AIRE: variants seen among roughly 807,000 people sequenced by gnomAD.
The protein encoded by AIRE is autoimmune polyendocrinopathy candidiasis ectodermal dystrophy protein.
In AIRE, 52 loss-of-function variants were observed where a neutral mutation model predicts 62.1. The observed-to-expected ratio is 0.84, with a 90% CI of 0.67 to 1.06. The LOEUF is 1.06. Among genes scored for constraint, AIRE ranks in the 50% least tolerant of loss-of-function variants. The pLI is 0.00. For synonymous variants in AIRE, 342 were observed against 321.6 expected (o/e 1.06, Z -0.68); for missense variants, 774 against 755.8 (o/e 1.02, Z -0.28).
rs1487410368 is a variant in AIRE, at chr21:44,297,474, C to T, written c.1567-182C>T. On this transcript the variant is annotated intron_variant, in intron 13 of 13. Transcript: ENST00000291582. This position sits in a 1 kb window ranked among gnomAD's most constrained non-coding sequence, Gnocchi z 4.8. ...CAGTTTCCCCACCTTTGATGGAATA[C>T]GGTGAAGTGCACAGGACAGGGTCCT... Among the ~76,000 whole-genome samples the T allele has an allele frequency of 6.6e-6, 1 of 152,072 alleles. No individual in the cohort carries two copies. The highest frequency in any genetic ancestry group is 2.1e-4 in the South Asian group (1 of 4,818).
intron 4 of AIRE, among the ~76,000 whole-genome samples, chr21:44,288,126 G>C (rs577381404): frequency 6.6e-6 from 1 of 151,530 alleles, no homozygotes; most frequent in Admixed American, 6.6e-5. Flanking sequence ...CCACCCCCCA[G>C]CACACGCACA....
In AIRE at chr21:44,293,187, G is replaced by A. The variant is rs371283816; in HGVS notation, c.1278+12G>A. On this transcript the variant is annotated intron_variant, in intron 10 of 13. Coordinates refer to ENST00000291582, the MANE Select transcript of AIRE (RefSeq NM_000383.4). ...CTGAGGGTCAGCAGGTGAGCGGGGA[G>A]TGGGGGTCAGGGTGGGCTCTTCAAG... 1.2e-4 allele frequency: 181 copies of A among 1,544,168 alleles called. No individual in the cohort carries two copies. In the African/African-American group the frequency reaches 2.1e-3, roughly 18 times the overall value.
intron 13 of AIRE, 41 bp downstream of exon 13, chr21:44,296,486 C>G (rs758237665): frequency 1.9e-6 from 3 of 1,572,494 alleles, no homozygotes; most frequent in East Asian, 2.2e-5. Flanking sequence ...TCCACTCCCC[C>G]TCCCCTGCCT....
At chr21:44,289,933 T>C in intron 6 of AIRE, 55 bp from the exon 7 acceptor site, 1 of 1,596,176 alleles carries the variant, frequency 6.3e-7, no homozygotes, top group Non-Finnish European at 8.6e-7. Flanking sequence ...GCCACAGCCA[T>C]GTGCACCCTC....
intron 5 of AIRE, 159 bp from the exon 6 acceptor site, chr21:44,289,498 C>A: frequency 2.7e-6 from 2 of 745,340 alleles, no homozygotes; most frequent in Non-Finnish European, 3.8e-6. Flanking sequence ...CCAGGACAAT[C>A]CCCGGGCCCC....
At position 44,293,876 on chromosome 21, in the gene AIRE, C is replaced by T. The variant is rs1433571125; in HGVS notation, c.1366C>T (p.Arg456Cys). 7 of 1,596,570 alleles carry T rather than the reference C, an allele frequency of 4.4e-6. No homozygotes were observed. Among genetic ancestry groups the T allele is most frequent in the East Asian group, 2.2e-5 (1 of 44,864 alleles). The change falls in exon 11 of 14, where the codon CGC becomes TGC. Residue 456 changes from arginine to cysteine, a missense_variant. Physicochemically the swap from Arg to Cys is radical, Grantham distance 180 (BLOSUM62 -3). Transcript: ENST00000291582. Reference sequence around the variant, plus strand: ...TCACTGCGCCGCTGCCTTCCACTGGCGCTGCCACTTCCCAGCCGGCACCTC... The same window carrying T: ...TCACTGCGCCGCTGCCTTCCACTGGTGCTGCCACTTCCCAGCCGGCACCTC... Reference protein sequence around the residue: ...CTHCAAAFHWRCHFPAGTSRP... With the variant: ...CTHCAAAFHWCCHFPAGTSRP...
rs1190930324 is a variant in AIRE, at chr21:44,297,831, G to A, written c.*104G>A. ...CGGCTGGGATCAAGAAGGGGACAGC[G>A]CCACCTCTTGTCAGTGCTCGGCTGT... On this transcript the variant is annotated 3_prime_UTR_variant, in exon 14 of 14. Transcript: ENST00000291582. The surrounding 1 kb of genome is among the most constrained non-coding windows in gnomAD (Gnocchi z 4.8). The A allele has an allele frequency of 8.4e-6, 9 of 1,072,672 alleles. No homozygotes were observed. The highest frequency in any genetic ancestry group is 3.1e-5 in the African/African-American group (2 of 63,830). The allele number at this position is 1,072,672 out of a possible 1,614,324, so 66.4% of individuals were successfully genotyped here.
intron 7 of AIRE, chr21:44,290,427 T>C (rs1263166224): frequency 1.7e-5 from 17 of 985,066 alleles, no homozygotes; most frequent in Non-Finnish European, 2.0e-5. Flanking sequence ...CCCAGCATGG[T>C]TTCTTAATGG....
At chr21:44,296,498 A>C (rs2040609734) in intron 13 of AIRE, 53 bp downstream of exon 13, 1 of 1,533,286 alleles carries the variant, frequency 6.5e-7, no homozygotes, top group African/African-American at 1.4e-5. Context: ...CCCCTGCCTC[A>C]GCCGGCACCC....
At chr21:44,290,850 C>T (rs2040529985) in intron 7 of AIRE, 1 of 1,593,444 alleles carries the variant, frequency 6.3e-7, no homozygotes, top group African/African-American at 1.3e-5. Flanking sequence ...ACGCAGCAGC[C>T]TGCAAGAAAC....
In AIRE at chr21:44,293,146, C is replaced by G. The variant is rs1248107084; in HGVS notation, c.1249C>G (p.Leu417Val). 4.4e-6 allele frequency: 7 copies of G among 1,580,730 alleles called. No homozygotes were observed. Among genetic ancestry groups the G allele is most frequent in the Non-Finnish European group, 6.0e-6 (7 of 1,163,620 alleles). ...PGLDSSALHP[L>V]LCVGPEGQQN... Reference sequence around the variant, plus strand: ...GCTGGACTCCTCGGCCCTGCACCCCCTACTGTGTGTGGGTCCTGAGGGTCA... The same window carrying G: ...GCTGGACTCCTCGGCCCTGCACCCCGTACTGTGTGTGGGTCCTGAGGGTCA... Residue 417 changes from leucine (L) to valine (V), a missense_variant, in exon 10 of 14, where the codon CTA (leucine) becomes GTA (valine). Leu to Val is a conservative substitution (Grantham distance 32). This residue lies in a region of AIRE where 354 missense variants were observed against 296.1 expected (regional missense o/e 1.20). Transcript: ENST00000291582.
In AIRE at chr21:44,296,422, G is replaced by A; in HGVS notation, c.1543G>A (p.Asp515Asn). The A allele has an allele frequency of 1.2e-6, 2 of 1,612,582 alleles. No individual in the cohort carries two copies. Among genetic ancestry groups the A allele is most frequent in the Non-Finnish European group, 1.7e-6 (2 of 1,179,840 alleles). ...ASHEPALHRD[D>N]LESLLSEHTF... ...TCACGAGCCCGCTCTGCACAGGGAT[G>A]ACCTGGAGTCCCTTCTGAGCGAGGT... The change falls in exon 13 of 14, where the codon GAC becomes AAC. Residue 515 changes from aspartate (D) to asparagine (N), a missense_variant. Around this residue, in one of 3 missense-constraint regions of AIRE, gnomAD observed 354 missense variants for 296.1 expected, o/e 1.20. Coordinates refer to ENST00000291582, the MANE Select transcript of AIRE (RefSeq NM_000383.4).
Position 44,287,689 on chromosome 21 carries a change from G to A in AIRE, c.538+98G>A, listed in dbSNP as rs1023859416. ...CTGCCCTCTGAGACCCTGTCCTAGGGGCTGGGGACGTGCTGGCCTGGTGTG... is the reference window on the plus strand; with the variant it reads ...CTGCCCTCTGAGACCCTGTCCTAGGAGCTGGGGACGTGCTGGCCTGGTGTG... On this transcript the variant is annotated intron_variant, in intron 4 of 13. Transcript: ENST00000291582. The surrounding 1 kb of genome is among the most constrained non-coding windows in gnomAD (Gnocchi z 4.3). The A allele has an allele frequency of 7.9e-7, 1 of 1,269,566 alleles. No homozygotes were observed. The highest frequency in any genetic ancestry group is 1.5e-5 in the African/African-American group (1 of 67,276). 78.6% of individuals were successfully genotyped at this position (1,269,566 alleles called of 1,614,324 possible). A position where few individuals can be genotyped will look rare whatever the true frequency, so the allele number is the denominator to read the frequency against.
At chr21:44,296,101 C>G (rs753355814) in intron 12 of AIRE, among the ~76,000 whole-genome samples, 7 of 152,190 alleles carry the variant, frequency 4.6e-5, no homozygotes, top group Non-Finnish European at 1.0e-4. Flanking sequence ...GAGTGGGACT[C>G]CTTGCTGGTT....
chr21:44,290,950 C>T, intron 7 of AIRE, 145 bp from the exon 8 acceptor site: 1 of 1,612,356 alleles, frequency 6.2e-7, no homozygotes, highest in Non-Finnish European at 8.5e-7. Context: ...GAATTTCAGG[C>T]CCTGGCAGCA....
In AIRE at chr21:44,296,826, TGG is replaced by T. The variant is rs60326748; in HGVS notation, c.1566+390_1566+391del. Reference sequence around the variant, plus strand: ...TCCCAGGGAGGGTGGGGCGTGGGAGTGGGGGGGGGGTCCCAGACCCCGTCCCT... The same window carrying T: ...TCCCAGGGAGGGTGGGGCGTGGGAGTGGGGGGGGTCCCAGACCCCGTCCCT... On this transcript the variant is annotated intron_variant, in intron 13 of 13. Transcript: ENST00000291582. Among the ~76,000 whole-genome samples the T allele has an allele frequency of 4.3e-4, 60 of 140,596 alleles. No homozygotes were observed. In the East Asian group the frequency reaches 0.01, roughly 25 times the overall value. 92.2% of individuals were successfully genotyped at this position (140,596 alleles called of 152,430 possible).
intron 7 of AIRE, chr21:44,290,358 G>A (rs953658758): frequency 1.3e-4 from 131 of 985,446 alleles, no homozygotes; most frequent in Middle Eastern, 5.2e-4. Context: ...TGGGCCGGGC[G>A]CCCCTGCTAT....
Position 44,290,038 on chromosome 21 carries a change from G to A in AIRE, c.849G>A (p.Leu283=). 1 of 1,611,932 alleles carries A rather than the reference G, an allele frequency of 6.2e-7. No homozygotes were observed. The highest frequency in any genetic ancestry group is 1.1e-5 in the South Asian group (1 of 90,922). The change falls in exon 7 of 14, where the codon CTG becomes CTA. Residue 283 remains leucine (L), a synonymous_variant. Transcript: ENST00000291582. ...LGQQGSVPAP[L]ALPSDPQLHQ... ...AGCAGGGCAGCGTTCCCGCCCCTCT[G>A]GCCCTCCCCAGTGACCCCCAGCTCC...
Position 44,286,882 on chromosome 21 carries a change from C to A in AIRE, c.308-96C>A, listed in dbSNP as rs1024528544. On this transcript the variant is annotated intron_variant, in intron 2 of 13. Transcript: ENST00000291582. This position sits in a 1 kb window ranked among gnomAD's most constrained non-coding sequence, Gnocchi z 6.0. ...GATCCTAAGAGGCAAAGGGGCCAGG[C>A]CTCACCTGTCTGGCCAAGGTGTCCA... 4 of 1,587,212 alleles carry A rather than the reference C, an allele frequency of 2.5e-6. 1 individual carries two copies. Among genetic ancestry groups the A allele is most frequent in the Admixed American group, 3.4e-5 (2 of 59,626 alleles).
Sources: allele counts gnomAD v4.1 joint callset (sites outside exome capture counted in the v4.1 genomes callset), GRCh38; gene constraint gnomAD v4.1.1; regional missense constraint gnomAD v4.1.1; non-coding constraint Gnocchi (gnomAD v3.1); transcripts MANE v1.5; gene names NCBI Gene and HGNC (gene_info 2026-07-23, HGNC 2026-07-21).